CAPN2: variants seen among roughly 807,000 people sequenced by gnomAD.
The protein encoded by CAPN2 is calpain 2.
In CAPN2, 92 loss-of-function variants were observed where a neutral mutation model predicts 102.3. That is an observed-to-expected ratio of 0.90 (90% CI 0.76 to 1.07). CAPN2 has a LOEUF of 1.07. Ranked by LOEUF, CAPN2 falls within the 50% of genes least tolerant of loss-of-function variation. The pLI is 0.00. For missense variants in CAPN2, 800 were observed against 909.4 expected (o/e 0.88, Z 1.55); for synonymous variants, 340 against 355.4 (o/e 0.96, Z 0.49).
chr1:223,760,339 G>C (rs1464440135), intron 12 of CAPN2, among the ~76,000 whole-genome samples: 1 of 152,190 alleles, frequency 6.6e-6, no homozygotes, highest in Non-Finnish European at 1.5e-5. Flanking sequence ...CACCTGGCCT[G>C]CTGGTTCCTG....
intron 18 of CAPN2, 113 bp downstream of exon 18, chr1:223,770,638 G>A (rs1356039847): frequency 8.5e-6 from 6 of 703,982 alleles, no homozygotes; most frequent in Non-Finnish European, 1.4e-5. Context: ...AATAAAGTAG[G>A]TGCTGGTTTA....
At chr1:223,718,283 C>T (rs143084566) in intron 2 of CAPN2, among the ~76,000 whole-genome samples, 1 of 152,366 alleles carries the variant, frequency 6.6e-6, no homozygotes, top group African/African-American at 2.4e-5. Context: ...AAAGAGGAAA[C>T]TCTAATGCTC....
chr1:223,708,597 C>T (rs1370560047), upstream of CAPN2, among the ~76,000 whole-genome samples: 7 of 151,748 alleles, frequency 4.6e-5, no homozygotes, highest in Admixed American at 3.9e-4. Context: ...GAGGAAACCC[C>T]GTCTCTACTA....
chr1:223,732,008 GA>G (rs2102785812), intron 2 of CAPN2, among the ~76,000 whole-genome samples: 1 of 152,356 alleles, frequency 6.6e-6, no homozygotes, highest in East Asian at 1.9e-4. Flanking sequence ...GAAAGAGAAG[GA>G]GGGGGCTCTT....
At chr1:223,748,957 C>G in intron 5 of CAPN2, 82 bp from the exon 6 acceptor site, 3 of 1,327,722 alleles carry the variant, frequency 2.3e-6, no homozygotes, top group Middle Eastern at 1.8e-4. Context: ...CGGTCCCGCC[C>G]GGCAGTAGGA....
At chr1:223,723,746 C>T (rs1425999510) in intron 2 of CAPN2, among the ~76,000 whole-genome samples, 1 of 151,932 alleles carries the variant, frequency 6.6e-6, no homozygotes, top group East Asian at 1.9e-4. Flanking sequence ...GCTGCCTCAG[C>T]TTTGGCCATG....
At chr1:223,764,285 T>G (rs567687622) in intron 15 of CAPN2, 78 bp downstream of exon 15, 1 of 1,270,522 alleles carries the variant, frequency 7.9e-7, no homozygotes, top group Non-Finnish European at 1.2e-6. Context: ...TCTTTCCCCC[T>G]CCATGTCTGG....
At chr1:223,768,494 T>C (rs927909570) in intron 16 of CAPN2, among the ~76,000 whole-genome samples, 1 of 152,186 alleles carries the variant, frequency 6.6e-6, no homozygotes, top group African/African-American at 2.4e-5. Flanking sequence ...AAAGATCAGA[T>C]AGTTGTAGAT....
At chr1:223,713,491 T>A (rs2102771512) in intron 1 of CAPN2, among the ~76,000 whole-genome samples, 1 of 126,440 alleles carries the variant, frequency 7.9e-6, no homozygotes, top group African/African-American at 3.7e-5. Context: ...CTGGCGGGAA[T>A]CACCCGGGAA....
chr1:223,770,570 G>T, intron 18 of CAPN2, 45 bp downstream of exon 18: 1 of 1,261,048 alleles, frequency 7.9e-7, no homozygotes, highest in Non-Finnish European at 1.2e-6. Context: ...TAATCTGTCT[G>T]TAGAATATGT....
chr1:223,741,468 A>ATATATT (rs71166282), intron 2 of CAPN2, among the ~76,000 whole-genome samples: 2,831 of 138,276 alleles, frequency 0.02, 55 homozygotes, highest in South Asian at 0.032. Flanking sequence ...ATATATATAT[A>ATATATT]TTTGAGAGGG....
chr1:223,772,128 G>GTGA lies in CAPN2; in HGVS notation c.2021-51_2021-49dup, dbSNP rs1229940245. The GTGA allele has an allele frequency of 3.3e-6, 5 of 1,522,024 alleles. No homozygotes were observed. The East Asian group carries it at 1.1e-4, about 34-fold the overall frequency. 94.3% of individuals were successfully genotyped at this position (1,522,024 alleles called of 1,614,324 possible). On this transcript the variant is annotated intron_variant, in intron 19 of 20. Transcript: ENST00000295006. ...GTTGCTGAACTGAAAAGAGGATAAT[G>GTGA]TGATCTGTTTCAGCTCACTCACTTG...
intron 6 of CAPN2, 124 bp from the exon 7 acceptor site, chr1:223,750,766 A>T (rs1421662129): frequency 5.8e-6 from 5 of 855,988 alleles, no homozygotes; most frequent in Non-Finnish European, 9.5e-6. Context: ...TCAACCCCCA[A>T]ATCCTCCCCA....
chr1:223,712,923 G>A (rs1243127507), intron 1 of CAPN2, 46 bp downstream of exon 1: 12 of 1,405,136 alleles, frequency 8.5e-6, no homozygotes, highest in African/African-American at 1.5e-5. Flanking sequence ...GTGCCGGGCA[G>A]GGCGGGGTGC....
In CAPN2 at chr1:223,754,946, C is replaced by T. The variant is rs903656024; in HGVS notation, c.1136-534C>T. Among the ~76,000 whole-genome samples, 3 of 152,172 alleles carry T rather than the reference C, an allele frequency of 2.0e-5. No homozygotes were observed. Among genetic ancestry groups the T allele is most frequent in the Admixed American group, 6.5e-5 (1 of 15,280 alleles). On this transcript the variant is annotated intron_variant, in intron 9 of 20. Transcript: ENST00000295006. The surrounding 1 kb of genome is among the most constrained non-coding windows in gnomAD (Gnocchi z 4.7). ...GGAAGCCACAGCTCTAACCACCCTG[C>T]GTTCCAGAGTGACAGACCAGTCCCC...
chr1:223,732,081 G>A (rs1660350932), intron 2 of CAPN2, among the ~76,000 whole-genome samples: 1 of 152,194 alleles, frequency 6.6e-6, no homozygotes, highest in Non-Finnish European at 1.5e-5. Flanking sequence ...GATAGGTGTG[G>A]GGCAGGGAGG....
At chr1:223,766,497 C>T in intron 16 of CAPN2, 66 bp downstream of exon 16, 5 of 1,226,474 alleles carry the variant, frequency 4.1e-6, no homozygotes, top group Non-Finnish European at 6.0e-6. Flanking sequence ...CAGAAAGATT[C>T]AAACACATGG....
At chr1:223,772,288 G>A (rs1056706318) in intron 20 of CAPN2, 49 bp downstream of exon 20, 1 of 1,498,818 alleles carries the variant, frequency 6.7e-7, no homozygotes, top group Non-Finnish European at 9.3e-7. Context: ...GGGAGGCATG[G>A]GGCGGAAAGG....
At chr1:223,720,048 T>C (rs28370032) in intron 2 of CAPN2, among the ~76,000 whole-genome samples, 14,795 of 152,064 alleles carry the variant, frequency 0.097, 796 homozygotes, top group African/African-American at 0.14. Context: ...TGACACTCTG[T>C]GACATGGCCA....
Sources: gnomAD v4.1 joint callset for allele counts (sites outside exome capture counted in the v4.1 genomes callset) on GRCh38, gnomAD v4.1.1 for gene constraint, Gnocchi (gnomAD v3.1) non-coding constraint, MANE v1.5 for transcripts, NCBI Gene and HGNC (gene_info 2026-07-23, HGNC 2026-07-21) for gene names.